EYS: variants seen among roughly 807,000 people sequenced by gnomAD.
EYS encodes the protein protein eyes shut homolog.
A neutral mutation model predicts 282.1 loss-of-function variants in EYS; 250 were observed. The ratio of observed to expected loss-of-function variants is 0.89; its 90% confidence interval spans 0.80 to 0.98. EYS has a LOEUF of 0.98. Among genes scored for constraint, EYS ranks in the 50% least tolerant of loss-of-function variants. The probability of loss-of-function intolerance (pLI) is 0.00; values close to 1 mark genes in which losing one functional copy is unlikely to be tolerated. For synonymous variants in EYS, 1,355 were observed against 1,282.9 expected (o/e 1.06, Z -1.20); for missense variants, 4,016 against 3,709.0 (o/e 1.08, Z -2.15).
intron 12 of EYS, among the ~76,000 whole-genome samples, chr6:65,064,038 C>T (rs1409707086): frequency 1.3e-5 from 2 of 150,074 alleles, no homozygotes; most frequent in African/African-American, 4.9e-5. Flanking sequence ...TTACACTAGG[C>T]TATATACTAA....
chr6:64,766,257 C>G (rs1328133111), intron 22 of EYS, among the ~76,000 whole-genome samples: 1 of 151,514 alleles, frequency 6.6e-6, no homozygotes, highest in Non-Finnish European at 1.5e-5. Flanking sequence ...CCTGATCTGC[C>G]CTTCTCCTCT....
chr6:64,921,162 A>T (rs1317480531), intron 15 of EYS, among the ~76,000 whole-genome samples: 2 of 152,162 alleles, frequency 1.3e-5, no homozygotes, highest in Non-Finnish European at 2.9e-5. Context: ...TACTAATCAC[A>T]CATACTTAGT....
chr6:65,118,807 T>C (rs1293459453), intron 12 of EYS, among the ~76,000 whole-genome samples: 2 of 151,888 alleles, frequency 1.3e-5, no homozygotes, highest in South Asian at 2.1e-4. Flanking sequence ...AAGGCAGAAA[T>C]TGTAGTGGGG....
intron 30 of EYS, among the ~76,000 whole-genome samples, chr6:64,263,458 T>C (rs549199664): frequency 1.3e-5 from 2 of 152,268 alleles, no homozygotes; most frequent in South Asian, 4.1e-4. Flanking sequence ...GACAGCATTG[T>C]CCTATTTAAT....
At chr6:64,732,129 G>C (rs1024616655) in intron 22 of EYS, among the ~76,000 whole-genome samples, 3 of 152,016 alleles carry the variant, frequency 2.0e-5, no homozygotes, top group East Asian at 1.9e-4. Flanking sequence ...CATGGACACA[G>C]GGAGAGGAAC....
chr6:65,643,411 G>T (rs1209455581), intron 1 of EYS, among the ~76,000 whole-genome samples: 1 of 152,128 alleles, frequency 6.6e-6, no homozygotes, highest in Non-Finnish European at 1.5e-5. Flanking sequence ...ACTAAGACAT[G>T]CCTATCCCTG....
At chr6:64,738,751 A>C (rs9345445) in intron 22 of EYS, among the ~76,000 whole-genome samples, 3 of 151,974 alleles carry the variant, frequency 2.0e-5, no homozygotes, top group Admixed American at 6.5e-5. Context: ...AAGGAAAAAG[A>C]CTCAAATTTT....
chr6:64,269,817 C>T (rs1767880403), intron 30 of EYS, among the ~76,000 whole-genome samples: 1 of 151,834 alleles, frequency 6.6e-6, no homozygotes, highest in Non-Finnish European at 1.5e-5. Context: ...ACTGCTAACT[C>T]TTTAATACAT....
chr6:64,944,090 G>T (rs751784713), intron 15 of EYS, among the ~76,000 whole-genome samples: 6 of 152,026 alleles, frequency 3.9e-5, no homozygotes, highest in Non-Finnish European at 8.8e-5. Context: ...TTTAATATTT[G>T]ATAAATCAAC....
chr6:63,765,494 T>TA (rs1191523450), intron 40 of EYS, among the ~76,000 whole-genome samples: 5 of 151,682 alleles, frequency 3.3e-5, no homozygotes, highest in Admixed American at 3.3e-4. Flanking sequence ...TTTTTTTTTT[T>TA]AAAACTATTT....
intron 34 of EYS, among the ~76,000 whole-genome samples, chr6:63,998,719 T>C (rs1427714577): frequency 6.6e-6 from 1 of 151,824 alleles, no homozygotes; most frequent in Non-Finnish European, 1.5e-5. Flanking sequence ...GCAAGTACTA[T>C]CATATCCTAT....
At chr6:65,607,816 T>A (rs926274583) in intron 2 of EYS, among the ~76,000 whole-genome samples, 1 of 151,940 alleles carries the variant, frequency 6.6e-6, no homozygotes, top group Non-Finnish European at 1.5e-5. Context: ...AATGCCACTC[T>A]TATTGTTTAG....
At chr6:64,022,655 A>G (rs772391785) in intron 33 of EYS, among the ~76,000 whole-genome samples, 3 of 152,200 alleles carry the variant, frequency 2.0e-5, no homozygotes, top group Non-Finnish European at 4.4e-5. Context: ...TATTCTCTGC[A>G]AGCGTGGCTG....
chr6:65,243,099 G>A (rs1239534152), intron 12 of EYS, among the ~76,000 whole-genome samples: 1 of 101,210 alleles, frequency 9.9e-6, no homozygotes, highest in Non-Finnish European at 2.0e-5. Flanking sequence ...AAACTGATTT[G>A]CAACAAAAAA....
At position 64,193,707 on chromosome 6, in the gene EYS, G is replaced by A. The variant is rs60594280; in HGVS notation, c.6424+36885C>T. Among the ~76,000 whole-genome samples the A allele has an allele frequency of 4.8e-3, 727 of 152,076 alleles. 3 individuals are homozygous for A. Among genetic ancestry groups the A allele is most frequent in the African/African-American group, 0.017 (700 of 41,482 alleles). On this transcript the variant is annotated intron_variant, in intron 31 of 42. Transcript: ENST00000503581. Reference sequence around the variant, plus strand: ...GATGTTCCCCACCCTGTGTCCAAGTGTTCTCATTGTTCAGTTCCCACCTGT... The same window carrying A: ...GATGTTCCCCACCCTGTGTCCAAGTATTCTCATTGTTCAGTTCCCACCTGT...
chr6:65,204,695 A>G (rs1199402498), intron 12 of EYS, among the ~76,000 whole-genome samples: 7 of 151,644 alleles, frequency 4.6e-5, no homozygotes, highest in Non-Finnish European at 7.4e-5. Context: ...ACATATCAAT[A>G]TTAACATTCC....
At chr6:65,473,018 G>T (rs974065318) in intron 5 of EYS, among the ~76,000 whole-genome samples, 9 of 151,832 alleles carry the variant, frequency 5.9e-5, no homozygotes, top group African/African-American at 2.2e-4. Context: ...TAATATACTA[G>T]AATTAAGTCA....
chr6:64,183,690 T>C (rs1367725800), intron 31 of EYS, among the ~76,000 whole-genome samples: 3 of 152,196 alleles, frequency 2.0e-5, no homozygotes, highest in Non-Finnish European at 4.4e-5. Flanking sequence ...AACACTTCTT[T>C]CTTAACTAAA....
In EYS at chr6:64,860,864, C is replaced by T. The variant is rs112295661; in HGVS notation, c.2992+25833G>A. Among the ~76,000 whole-genome samples the T allele has an allele frequency of 7.7e-3, 1,172 of 152,324 alleles. 13 individuals carry two copies. The highest frequency in any genetic ancestry group is 0.026 in the African/African-American group (1,090 of 41,564). On this transcript the variant is annotated intron_variant, in intron 19 of 42. Coordinates refer to ENST00000503581, the MANE Select transcript of EYS (RefSeq NM_001142800.2). ...CTCAGAGGAGACCAACAGTGGATAGCTCCTCTTAGCAGGCAGGTCGTCCCA... is the reference window on the plus strand; with the variant it reads ...CTCAGAGGAGACCAACAGTGGATAGTTCCTCTTAGCAGGCAGGTCGTCCCA...
Sources: allele counts gnomAD v4.1 joint callset (sites outside exome capture counted in the v4.1 genomes callset), GRCh38; gene constraint gnomAD v4.1.1; transcripts MANE v1.5; gene names NCBI Gene and HGNC (gene_info 2026-07-23, HGNC 2026-07-21).